The following NAV2 variants were observed in gnomAD, a reference collection of about 807,000 sequenced individuals.
NAV2 encodes neuron navigator 2.
Under a neutral mutation model 223.2 loss-of-function variants are expected in NAV2, and 54 were observed. The observed-to-expected ratio is 0.24, with a 90% CI of 0.19 to 0.30. The LOEUF is 0.30. NAV2 is among the 10% of genes least tolerant of loss of function. The probability of loss-of-function intolerance (pLI) is 1.00; values close to 1 mark genes in which losing one functional copy is unlikely to be tolerated. For missense variants in NAV2, 2,806 were observed against 3,147.5 expected, an observed-to-expected ratio of 0.89 and a Z score of 2.60; for synonymous variants, 1,279 against 1,239.3, an observed-to-expected ratio of 1.03 and a Z score of -0.67.
rs1239888357 is a variant in NAV2 at position 20,090,996 on chromosome 11, G to A, written c.5630G>A (p.Arg1877Gln). Residue 1877 changes from arginine to glutamine, a missense_variant, in exon 27 of 38, where the codon CGG (arginine) becomes CAG (glutamine). Transcript: ENST00000349880. ...LSSAHQLDQL[R>Q]EAMNRMQSEI... ...TCTGCCCACCAGCTGGACCAGCTCC[G>A]GGAGGCCATGAACAGGATGCAGGTG... 4.3e-6 allele frequency: 7 copies of A among 1,613,430 alleles called. No individual in the cohort carries two copies. The South Asian group carries it at 4.4e-5, about 10-fold the overall frequency.
chr11:19,702,985 G>A (rs553829670), intron 1 of NAV2, among the ~76,000 whole-genome samples: 1 of 151,066 alleles, frequency 6.6e-6, no homozygotes, highest in African/African-American at 2.4e-5. Context: ...CCCTCAGAAA[G>A]AACTGCTGTT....
chr11:19,753,127 G>C (rs773242922), intron 1 of NAV2, among the ~76,000 whole-genome samples: 2 of 152,174 alleles, frequency 1.3e-5, no homozygotes, highest in Non-Finnish European at 2.9e-5. Context: ...CCAGCCTCCA[G>C]AACTGAGAAA....
intron 4 of NAV2, among the ~76,000 whole-genome samples, chr11:19,870,098 T>C (rs1001469220): frequency 2.0e-5 from 3 of 152,114 alleles, no homozygotes; most frequent in Non-Finnish European, 2.9e-5. Context: ...CTGGACCTGT[T>C]CCCAGTCAGG....
chr11:19,650,199 A>C (rs2047931087), intron 1 of NAV2, among the ~76,000 whole-genome samples: 1 of 152,362 alleles, frequency 6.6e-6, no homozygotes, highest in South Asian at 2.1e-4. Context: ...GCCGTAATCC[A>C]ATATGACTGG....
chr11:19,957,635 G>A (rs889444554), intron 10 of NAV2, among the ~76,000 whole-genome samples: 7 of 152,276 alleles, frequency 4.6e-5, no homozygotes, highest in East Asian at 1.9e-4. Context: ...AGCCCTTATC[G>A]GCGTCTGGGT....
intron 22 of NAV2, among the ~76,000 whole-genome samples, chr11:20,069,346 T>C (rs1404631643): frequency 6.6e-6 from 1 of 151,806 alleles, no homozygotes; most frequent in African/African-American, 2.4e-5. Context: ...GGGACAGAAG[T>C]AGGGAGGAAG....
intron 25 of NAV2, 55 bp downstream of exon 25, chr11:20,080,264 G>T: frequency 6.5e-7 from 1 of 1,537,132 alleles, no homozygotes. Flanking sequence ...TTGCAGAACT[G>T]GCTGCTGCAT....
intron 1 of NAV2, among the ~76,000 whole-genome samples, chr11:19,775,435 C>G (rs984697704): frequency 6.6e-6 from 1 of 152,188 alleles, no homozygotes; most frequent in Non-Finnish European, 1.5e-5. Flanking sequence ...GTAGAGGAAG[C>G]TGCATGGACG....
chr11:19,719,108 T>TGGAA (rs1331209232), intron 1 of NAV2, among the ~76,000 whole-genome samples: 1 of 152,188 alleles, frequency 6.6e-6, no homozygotes, highest in Non-Finnish European at 1.5e-5. Context: ...GAGGCCCCAG[T>TGGAA]GGAACTCTTG....
intron 1 of NAV2, among the ~76,000 whole-genome samples, chr11:19,667,633 G>A (rs1351807012): frequency 1.3e-5 from 2 of 152,194 alleles, no homozygotes; most frequent in Non-Finnish European, 1.5e-5. Context: ...TGTTGAGTGA[G>A]TGAATGAATA....
At chr11:19,636,615 C>T (rs1479281435) in intron 1 of NAV2, among the ~76,000 whole-genome samples, 2 of 151,996 alleles carry the variant, frequency 1.3e-5, no homozygotes, top group Non-Finnish European at 2.9e-5. Flanking sequence ...CTCAGCCTCC[C>T]GAGTAACTGG....
At chr11:19,758,381 G>A (rs1187644733) in intron 1 of NAV2, among the ~76,000 whole-genome samples, 1 of 152,228 alleles carries the variant, frequency 6.6e-6, no homozygotes, top group Non-Finnish European at 1.5e-5. Context: ...GGCTTGAGTG[G>A]TAAAAAAGAG....
At chr11:19,835,871 C>T (rs1463357769) in intron 2 of NAV2, among the ~76,000 whole-genome samples, 1 of 152,070 alleles carries the variant, frequency 6.6e-6, no homozygotes, top group Non-Finnish European at 1.5e-5. Flanking sequence ...TATACTTGTT[C>T]TTTGACTGGC....
rs189181877 is a variant in NAV2 at position 20,078,586 on chromosome 11, G to A, written c.5179+482G>A. 5.6e-4 allele frequency among the ~76,000 whole-genome samples: 85 copies of A among 152,244 alleles called. 1 individual carries two copies. Among genetic ancestry groups the A allele is most frequent in the East Asian group, 5.4e-3 (28 of 5,150 alleles). ...TGATTCTCCTGCCTCAGCCTCCCAAGTAGCTGGGATTACAGGCATGTGCCA... is the reference window on the plus strand; with the variant it reads ...TGATTCTCCTGCCTCAGCCTCCCAAATAGCTGGGATTACAGGCATGTGCCA... On this transcript the variant is annotated intron_variant, in intron 24 of 37. Coordinates refer to ENST00000349880, the MANE Select transcript of NAV2 (RefSeq NM_145117.5).
intron 1 of NAV2, among the ~76,000 whole-genome samples, chr11:19,632,328 A>G (rs1279460376): frequency 2.0e-5 from 3 of 152,232 alleles, no homozygotes; most frequent in Non-Finnish European, 1.5e-5. Flanking sequence ...AAGACCTTGA[A>G]TAATTCACAT....
chr11:19,867,853 T>C (rs180871964), intron 3 of NAV2, among the ~76,000 whole-genome samples: 3 of 152,274 alleles, frequency 2.0e-5, no homozygotes, highest in Admixed American at 6.5e-5. Flanking sequence ...GATGTGAACT[T>C]TGGGAAGACT....
intron 1 of NAV2, among the ~76,000 whole-genome samples, chr11:19,609,188 C>T (rs776983883): frequency 6.6e-6 from 1 of 152,196 alleles, no homozygotes; most frequent in Admixed American, 6.5e-5. Flanking sequence ...TACACCAGTA[C>T]AGGCATTTTT....
chr11:20,105,809 G>T (rs889851766), intron 35 of NAV2, 82 bp downstream of exon 35: 40 of 1,109,188 alleles, frequency 3.6e-5, no homozygotes, highest in Non-Finnish European at 4.6e-5. Context: ...ACAGCACTTT[G>T]CAGGCACAGT....
At chr11:19,441,443 C>T (rs979343115) in intron 1 of NAV2, among the ~76,000 whole-genome samples, 37 of 137,130 alleles carry the variant, frequency 2.7e-4, no homozygotes, top group Non-Finnish European at 4.0e-4. Context: ...CACACACACA[C>T]ACACGCACAC....
Sources: gnomAD v4.1 joint callset for allele counts (sites outside exome capture counted in the v4.1 genomes callset) on GRCh38, gnomAD v4.1.1 for gene constraint, MANE v1.5 for transcripts, NCBI Gene and HGNC (gene_info 2026-07-23, HGNC 2026-07-21) for gene names.